The following AHR variants were observed in gnomAD, a reference collection of about 807,000 sequenced individuals.
AHR encodes the protein aryl hydrocarbon receptor.
AHR carries 40 observed loss-of-function variants against 86.8 expected under a neutral mutation model. The observed-to-expected ratio is 0.46, with a 90% CI of 0.36 to 0.60. The LOEUF (loss-of-function observed/expected upper bound fraction) is 0.60, where lower values mean the gene tolerates loss of function less well. Among genes scored for constraint, AHR ranks in the 20% least tolerant of loss-of-function variants. AHR has a pLI of 0.00. For synonymous variants in AHR, 398 were observed against 354.9 expected (o/e 1.12, Z -1.37); for missense variants, 1,001 against 1,011.6 (o/e 0.99, Z 0.14).
At chr7:17,310,596 A>G (rs1368237053) in intron 2 of AHR, among the ~76,000 whole-genome samples, 1 of 150,192 alleles carries the variant, frequency 6.7e-6, no homozygotes. Context: ...GTGCAATGAC[A>G]CGATCTTGGC....
At chr7:17,307,308 C>A (rs1431363560) in intron 1 of AHR, among the ~76,000 whole-genome samples, 3 of 151,952 alleles carry the variant, frequency 2.0e-5, no homozygotes, top group Non-Finnish European at 4.4e-5. Flanking sequence ...TACACACTTT[C>A]TATTTCTGTG....
intron 3 of AHR, among the ~76,000 whole-genome samples, chr7:17,324,802 A>G (rs200186174): frequency 9.6e-6 from 1 of 104,580 alleles, no homozygotes; most frequent in East Asian, 5.2e-4. Context: ...ACTCCATCTG[A>G]AAAAAAAAAA....
chr7:17,303,195 T>G (rs867993611), intron 1 of AHR, among the ~76,000 whole-genome samples: 1 of 152,122 alleles, frequency 6.6e-6, no homozygotes, highest in Non-Finnish European at 1.5e-5. Flanking sequence ...CTTTACATCA[T>G]TTTCTTCATT....
At chr7:17,332,041 T>TGTG (rs1356916528) in intron 6 of AHR, among the ~76,000 whole-genome samples, 1 of 151,992 alleles carries the variant, frequency 6.6e-6, no homozygotes, top group African/African-American at 2.4e-5. Flanking sequence ...AATGATGCTT[T>TGTG]GGTCAATAAC....
chr7:17,338,111 A>G (rs1782374735), intron 9 of AHR, among the ~76,000 whole-genome samples: 6 of 150,344 alleles, frequency 4.0e-5, no homozygotes, highest in Admixed American at 3.3e-4. Flanking sequence ...AGGCAGGAGA[A>G]TGGCGTGAAC....
At position 17,345,564 on chromosome 7, in the gene AHR, A is replaced by G. The variant is rs946390003; in HGVS notation, c.*2500A>G. Reference sequence around the variant, plus strand: ...TATTTTTACATTTAAACCTTTTATTATAAGTCTTACATAAACCATTTTTGT... The same window carrying G: ...TATTTTTACATTTAAACCTTTTATTGTAAGTCTTACATAAACCATTTTTGT... On this transcript the variant is annotated 3_prime_UTR_variant, in exon 11 of 11. Coordinates refer to ENST00000242057, the MANE Select transcript of AHR (RefSeq NM_001621.5). 2.0e-5 allele frequency: 3 copies of G among 152,668 alleles called. No homozygotes were observed. The highest frequency in any genetic ancestry group is 2.0e-4 in the Admixed American group (3 of 15,282). 9.5% of individuals were successfully genotyped at this position (152,668 alleles called of 1,614,324 possible).
chr7:17,299,209 T>G lies in AHR; in HGVS notation c.-56T>G. ...GCAGTGGTCCCAGCCTACACCGGGT[T>G]CCGGGGACCCGGCCGCCAGTGCCCG... On this transcript the variant is annotated 5_prime_UTR_variant, in exon 1 of 11. Transcript: ENST00000242057. 6.3e-7 allele frequency: 1 copy of G among 1,584,746 alleles called. No homozygotes were observed. Among genetic ancestry groups the G allele is most frequent in the Non-Finnish European group, 8.6e-7 (1 of 1,167,926 alleles).
In AHR at chr7:17,343,139, C is replaced by T. The variant is rs919675053; in HGVS notation, c.*75C>T. On this transcript the variant is annotated 3_prime_UTR_variant, in exon 11 of 11. Transcript: ENST00000242057. The stretch of plus-strand genomic sequence containing the variant: ...GGATTATGGAAAAATAAAACTGTCA[C>T]TGTTGGACGTCAGCAAGTTCACATG... The T allele has an allele frequency of 9.8e-6, 15 of 1,534,962 alleles. No individual in the cohort carries two copies. In the African/African-American group the frequency reaches 1.5e-4, roughly 15 times the overall value.
At position 17,298,667 on chromosome 7, in the gene AHR, C is replaced by A; in HGVS notation, c.-598C>A. ...GGCGGGAGGCAGTGGCTGGGGAGTC[C>A]CGTCGACGCTCTGTTCCGAGAGCGT... On this transcript the variant is annotated 5_prime_UTR_variant, in exon 1 of 11. Coordinates refer to ENST00000242057, the MANE Select transcript of AHR (RefSeq NM_001621.5). The A allele has an allele frequency of 2.5e-6, 1 of 395,340 alleles. No homozygotes were observed. Among genetic ancestry groups the A allele is most frequent in the Non-Finnish European group, 4.5e-6 (1 of 224,464 alleles). The allele number at this position is 395,340 out of a possible 1,614,324, so 24.5% of individuals were successfully genotyped here. A position where few individuals can be genotyped will look rare whatever the true frequency, so the allele number is the denominator to read the frequency against.
chr7:17,321,942 C>T (rs1782177884), intron 2 of AHR, among the ~76,000 whole-genome samples: 1 of 151,890 alleles, frequency 6.6e-6, no homozygotes, highest in African/African-American at 2.4e-5. Context: ...TTAACATGAA[C>T]CTATTAAATA....
At chr7:17,314,123 T>C (rs928254711) in intron 2 of AHR, among the ~76,000 whole-genome samples, 5 of 152,180 alleles carry the variant, frequency 3.3e-5, no homozygotes, top group African/African-American at 9.6e-5. Flanking sequence ...ATGACTACTT[T>C]TGTTTTCTGT....
chr7:17,339,239 G>A lies in AHR; in HGVS notation c.1414G>A (p.Ala472Thr). ...AGATGAGTCTATTTATCTCTATCCT[G>A]CTTCAAGTACTTCAAGTACTGCACC... ...QQDESIYLYP[A>T]SSTSSTAPFE... The change falls in exon 10 of 11, where the codon GCT becomes ACT. Residue 472 changes from alanine (A) to threonine (T), a missense_variant. Transcript: ENST00000242057. 2.5e-6 allele frequency: 4 copies of A among 1,614,138 alleles called. No individual in the cohort carries two copies. Among genetic ancestry groups the A allele is most frequent in the Admixed American group, 1.7e-5 (1 of 60,010 alleles).
intron 2 of AHR, among the ~76,000 whole-genome samples, chr7:17,319,345 G>A (rs1782147020): frequency 6.6e-6 from 1 of 152,036 alleles, no homozygotes; most frequent in Non-Finnish European, 1.5e-5. Context: ...TAAAGATGAG[G>A]AAACTAAAGG....
chr7:17,335,883 A>G (rs1275889211), intron 9 of AHR, 97 bp downstream of exon 9: 1 of 1,309,568 alleles, frequency 7.6e-7, no homozygotes, highest in African/African-American at 1.5e-5. Context: ...TTAGTCTGTA[A>G]ATAAAAATTG....
At position 17,333,903 on chromosome 7, in the gene AHR, T is replaced by C. The variant is rs1426679319; in HGVS notation, c.706-9T>C. ...TAATGAACTTTTTTGTTGTTGTTGC[T>C]TTTTTAAGGCAATGAATTTCCAAGG... On this transcript the variant is annotated splice_polypyrimidine_tract_variant and intron_variant, in intron 6 of 10. Coordinates refer to ENST00000242057, the MANE Select transcript of AHR (RefSeq NM_001621.5). 1 of 1,610,132 alleles carries C rather than the reference T, an allele frequency of 6.2e-7. No individual in the cohort carries two copies. The highest frequency in any genetic ancestry group is 1.7e-5 in the Admixed American group (1 of 59,576).
Position 17,340,138 on chromosome 7 carries a change from GTA to G in AHR, c.2315_2316del (p.Tyr772SerfsTer37). 1 of 1,614,200 alleles carries G rather than the reference GTA, an allele frequency of 6.2e-7. No individual in the cohort carries two copies. The highest frequency in any genetic ancestry group is 1.1e-5 in the South Asian group (1 of 91,080). On this transcript the variant is annotated frameshift_variant, in exon 10 of 11. Transcript: ENST00000242057. ...QTCYAGAVSM[Y>X]QCQPEPQHTH... ...CATGTTATGCTGGGGCCGTGTCGAT[GTA>G]TCAGTGCCAGCCAGAACCTCAGCAC... is the stretch of plus-strand genomic sequence containing the variant.
intron 4 of AHR, among the ~76,000 whole-genome samples, chr7:17,328,438 T>C (rs1782251510): frequency 6.6e-6 from 1 of 151,990 alleles, no homozygotes; most frequent in South Asian, 2.1e-4. Context: ...GATGGAATTA[T>C]AAATATTTGA....
intron 1 of AHR, among the ~76,000 whole-genome samples, chr7:17,308,288 G>T (rs775136831): frequency 3.9e-5 from 6 of 151,966 alleles, no homozygotes; most frequent in Non-Finnish European, 8.8e-5. Flanking sequence ...CCTTAGTTAT[G>T]CCTCTTCATG....
intron 7 of AHR, 63 bp downstream of exon 7, chr7:17,334,177 TAGCATGTAAAACATAC>T: frequency 7.0e-7 from 1 of 1,421,952 alleles, no homozygotes; most frequent in Non-Finnish European, 9.9e-7. Context: ...AAGTCTCTCT[TAGCATGTAAAACATAC>T]AGTGTATGTA....
Sources: allele counts gnomAD v4.1 joint callset (sites outside exome capture counted in the v4.1 genomes callset), GRCh38; gene constraint gnomAD v4.1.1; transcripts MANE v1.5; gene names NCBI Gene and HGNC (gene_info 2026-07-23, HGNC 2026-07-21).